The following GPR39 variants were observed in gnomAD, a reference collection of about 807,000 sequenced individuals.
GPR39 encodes zinc sensing receptor.
A neutral mutation model predicts 18.4 loss-of-function variants in GPR39; 23 were observed. The ratio of observed to expected loss-of-function variants is 1.25; its 90% CI spans 0.90 to 1.77. The LOEUF (loss-of-function observed/expected upper bound fraction) is 1.77. Ranked by LOEUF, GPR39 falls within the 40% of genes most tolerant of loss-of-function variation. The pLI is 0.00. For missense variants in GPR39, 647 were observed against 602.4 expected (o/e 1.07, Z -0.78); for synonymous variants, 280 against 257.9 (o/e 1.09, Z -0.82).
intron 1 of GPR39, among the ~76,000 whole-genome samples, chr2:132,486,417 CT>C (rs1681341171): frequency 1.3e-5 from 2 of 152,346 alleles, no homozygotes; most frequent in South Asian, 4.1e-4. Context: ...TCCTCTTTAG[CT>C]ATGAAAGTCC....
At chr2:132,542,699 A>G (rs764709873) in intron 1 of GPR39, among the ~76,000 whole-genome samples, 7 of 106,286 alleles carry the variant, frequency 6.6e-5, no homozygotes, top group Admixed American at 1.7e-4. Flanking sequence ...TGTTCTCTAT[A>G]ATAACATCAA....
chr2:132,468,718 G>A (rs1393670206), intron 1 of GPR39, among the ~76,000 whole-genome samples: 3 of 152,182 alleles, frequency 2.0e-5, no homozygotes, highest in African/African-American at 7.2e-5. Context: ...GCAGGAGGTG[G>A]TTACAGATGG....
intron 1 of GPR39, among the ~76,000 whole-genome samples, chr2:132,492,497 T>G (rs1681497040): frequency 1.4e-5 from 2 of 143,552 alleles, no homozygotes; most frequent in African/African-American, 2.5e-5. Context: ...ATACACCATA[T>G]ATACACACCA....
chr2:132,498,262 C>G (rs1177176779), intron 1 of GPR39, among the ~76,000 whole-genome samples: 3 of 152,062 alleles, frequency 2.0e-5, no homozygotes, highest in Non-Finnish European at 4.4e-5. Flanking sequence ...CCCTGAGTCC[C>G]CAAAGCTTAT....
chr2:132,593,825 A>C (rs2104834440), intron 1 of GPR39, among the ~76,000 whole-genome samples: 1 of 152,252 alleles, frequency 6.6e-6, no homozygotes, highest in African/African-American at 2.4e-5. Context: ...TGAGGCTGCA[A>C]GTCCTGAGAC....
chr2:132,584,779 A>T (rs142475448), intron 1 of GPR39, among the ~76,000 whole-genome samples: 1 of 152,216 alleles, frequency 6.6e-6, no homozygotes. Flanking sequence ...AGAAAATGGG[A>T]TGTCTATTAG....
chr2:132,467,236 G>C (rs572168633), intron 1 of GPR39, among the ~76,000 whole-genome samples: 2 of 152,130 alleles, frequency 1.3e-5, no homozygotes, highest in Non-Finnish European at 2.9e-5. Flanking sequence ...GGCTCCTGTG[G>C]GGCAATCAAA....
chr2:132,536,667 TG>T (rs1679762600), intron 1 of GPR39, among the ~76,000 whole-genome samples: 1 of 152,200 alleles, frequency 6.6e-6, no homozygotes, highest in African/African-American at 2.4e-5. Flanking sequence ...TGACAGTGGG[TG>T]TTAAAGTCTT....
At chr2:132,423,441 A>C (rs1680055490) in intron 1 of GPR39, among the ~76,000 whole-genome samples, 2 of 152,102 alleles carry the variant, frequency 1.3e-5, no homozygotes, top group Non-Finnish European at 2.9e-5. Context: ...GGCCTTCAAC[A>C]TGTGAATTTG....
At chr2:132,555,402 A>G (rs1425018748) in intron 1 of GPR39, among the ~76,000 whole-genome samples, 1 of 152,146 alleles carries the variant, frequency 6.6e-6, no homozygotes, top group African/African-American at 2.4e-5. Context: ...TGCAGTCAGA[A>G]GTCAGTGTGG....
intron 1 of GPR39, among the ~76,000 whole-genome samples, chr2:132,534,641 A>G (rs71413512): frequency 0.12 from 18,460 of 150,008 alleles, 1,932 homozygotes; most frequent in East Asian, 0.59. Flanking sequence ...CATATACACT[A>G]TGGAATACTA....
chr2:132,493,279 CATATATACCATATATATACACCAT>C (rs1188760601), intron 1 of GPR39, among the ~76,000 whole-genome samples: 5 of 141,244 alleles, frequency 3.5e-5, no homozygotes, highest in East Asian at 2.1e-4. Context: ...ATATGTATAC[CATATATACCATATATATACACCAT>C]ATATATACCA....
intron 1 of GPR39, among the ~76,000 whole-genome samples, chr2:132,486,825 G>A (rs576606632): frequency 6.6e-6 from 1 of 152,298 alleles, no homozygotes; most frequent in South Asian, 2.1e-4. Context: ...ATGTTCACTG[G>A]AAAGGCAGTT....
intron 1 of GPR39, among the ~76,000 whole-genome samples, chr2:132,614,184 T>TTTG (rs1553460244): frequency 2.0e-5 from 3 of 150,908 alleles, no homozygotes; most frequent in Admixed American, 6.6e-5. Context: ...TTGCTTTTTT[T>TTTG]TTTGTTTTTG....
At chr2:132,614,177 CT>C (rs113026250) in intron 1 of GPR39, among the ~76,000 whole-genome samples, 35 of 146,872 alleles carry the variant, frequency 2.4e-4, no homozygotes, top group Admixed American at 3.4e-4. Flanking sequence ...AACTTGCTTG[CT>C]TTTTTTTTTG....
intron 1 of GPR39, among the ~76,000 whole-genome samples, chr2:132,492,432 CAT>C (rs1264796462): frequency 7.5e-6 from 1 of 133,618 alleles, no homozygotes; most frequent in Admixed American, 7.9e-5. Context: ...ATATATACAC[CAT>C]ATATATACAC....
intron 1 of GPR39, among the ~76,000 whole-genome samples, chr2:132,584,009 C>G (rs764833732): frequency 1.3e-5 from 2 of 152,010 alleles, no homozygotes; most frequent in Non-Finnish European, 2.9e-5. Context: ...ACATAGACCA[C>G]ACCTTTCTAG....
chr2:132,530,000 G>A (rs946759104), intron 1 of GPR39, among the ~76,000 whole-genome samples: 20 of 152,194 alleles, frequency 1.3e-4, no homozygotes, highest in Non-Finnish European at 2.6e-4. Flanking sequence ...AAAGCTGGAC[G>A]GAGAATGACT....
At position 132,643,119 on chromosome 2, in the gene GPR39, GC is replaced by G. The variant is rs574433349; in HGVS notation, c.857-1981del. ...TTTAAAATCAGAAATTTTTGTTGTT[GC>G]TGTTGTTGTTCCTATCCAGCATCTG... On this transcript the variant is annotated intron_variant, in intron 1 of 1. Transcript: ENST00000329321. Among the ~76,000 whole-genome samples, 448 of 152,264 alleles carry G rather than the reference GC, an allele frequency of 2.9e-3. 1 individual carries two copies. The highest frequency in any genetic ancestry group is 1.0e-2 in the African/African-American group (414 of 41,538).
Sources: gnomAD v4.1 joint callset for allele counts (sites outside exome capture counted in the v4.1 genomes callset) on GRCh38, gnomAD v4.1.1 for gene constraint, MANE v1.5 for transcripts, NCBI Gene and HGNC (gene_info 2026-07-23, HGNC 2026-07-21) for gene names.